Variants in URM1 observed in about 807,000 individuals in gnomAD.
URM1 encodes ubiquitin related modifier 1.
In URM1, 11 loss-of-function variants were observed where a neutral mutation model predicts 17.7. The observed-to-expected ratio is 0.62, with a 90% CI of 0.39 to 1.03. The LOEUF (loss-of-function observed/expected upper bound fraction) is 1.03, where lower values mean the gene tolerates loss of function less well. Ranked by LOEUF, URM1 falls within the 50% of genes least tolerant of loss-of-function variation. URM1 has a pLI of 0.00. For synonymous variants in URM1, 48 were observed against 50.6 expected (o/e 0.95, Z 0.22); for missense variants, 128 against 129.2 (o/e 0.99, Z 0.04).
intron 2 of URM1, among the ~76,000 whole-genome samples, chr9:128,381,907 G>A (rs1276907119): frequency 1.3e-5 from 2 of 152,130 alleles, no homozygotes; most frequent in Non-Finnish European, 1.5e-5. Flanking sequence ...CAGTTTTTAC[G>A]CTTTCCTTCA....
chr9:128,373,720 C>T (rs1266609341), intron 1 of URM1, among the ~76,000 whole-genome samples: 1 of 152,134 alleles, frequency 6.6e-6, no homozygotes, highest in Non-Finnish European at 1.5e-5. Context: ...ACCCCTCTTC[C>T]TCCTTCCCAA....
chr9:128,377,326 A>G (rs1371650747), intron 1 of URM1, among the ~76,000 whole-genome samples: 1 of 152,164 alleles, frequency 6.6e-6, no homozygotes, highest in African/African-American at 2.4e-5. Flanking sequence ...CAGGAGTTTG[A>G]GATCAGCCTG....
chr9:128,380,451 CTG>C (rs943402726), intron 2 of URM1, among the ~76,000 whole-genome samples: 1 of 152,028 alleles, frequency 6.6e-6, no homozygotes, highest in Non-Finnish European at 1.5e-5. Context: ...CTAAAGGTGA[CTG>C]TTTCTTAGTT....
In URM1 at chr9:128,390,496, GCGTGTGCCT is replaced by G. The variant is rs1168205649; in HGVS notation, c.*764_*772del. On this transcript the variant is annotated 3_prime_UTR_variant, in exon 5 of 5. Transcript: ENST00000372853. ...CTAGCAAGTAGAAGCCTGGGGGGAT[GCGTGTGCCT>G]CAGTTTCCTCCTCCACAACTGAATA... 1 of 150,628 alleles carries G rather than the reference GCGTGTGCCT, an allele frequency of 6.6e-6. No homozygotes were observed. Among genetic ancestry groups the G allele is most frequent in the Non-Finnish European group, 1.5e-5 (1 of 68,058 alleles). 9.3% of individuals were successfully genotyped at this position (150,628 alleles called of 1,614,324 possible).
chr9:128,374,060 T>G (rs886547169), intron 1 of URM1, among the ~76,000 whole-genome samples: 2 of 152,062 alleles, frequency 1.3e-5, no homozygotes, highest in Non-Finnish European at 2.9e-5. Context: ...GATGGAGATA[T>G]GTCAGTTGAG....
Position 128,390,140 on chromosome 9 carries a change from A to G in URM1, c.*406A>G. 2 of 219,994 alleles carry G rather than the reference A, an allele frequency of 9.1e-6. No homozygotes were observed. Among genetic ancestry groups the G allele is most frequent in the Non-Finnish European group, 9.0e-6 (1 of 111,176 alleles). 13.6% of individuals were successfully genotyped at this position (219,994 alleles called of 1,614,324 possible). A position where few individuals can be genotyped will look rare whatever the true frequency, so the allele number is the denominator to read the frequency against. On this transcript the variant is annotated 3_prime_UTR_variant, in exon 5 of 5. Coordinates refer to ENST00000372853, the MANE Select transcript of URM1 (RefSeq NM_030914.4). ...TTCATGGGGAAGATGAATGGACCTG[A>G]GTAGCTGAAGGAAGGCCCCTCCCTA...
chr9:128,391,207 G>A lies in URM1; in HGVS notation c.*1473G>A, dbSNP rs1470660589. On this transcript the variant is annotated 3_prime_UTR_variant, in exon 5 of 5. Transcript: ENST00000372853. ...TCATTCTATGTCAATAATTTAAGGT[G>A]GAATTTCTCTCACCCTGTGGAGATG... 6.6e-6 allele frequency: 1 copy of A among 152,214 alleles called. No individual in the cohort carries two copies. Among genetic ancestry groups the A allele is most frequent in the Non-Finnish European group, 1.5e-5 (1 of 68,046 alleles). 9.4% of individuals were successfully genotyped at this position (152,214 alleles called of 1,614,324 possible).
chr9:128,383,532 AG>A (rs1341359697), intron 2 of URM1, among the ~76,000 whole-genome samples: 1 of 152,124 alleles, frequency 6.6e-6, no homozygotes, highest in Non-Finnish European at 1.5e-5. Flanking sequence ...CCAAATCTGA[AG>A]GGCCATCCTG....
chr9:128,387,873 AGTT>A lies in URM1; in HGVS notation c.168_170del (p.Leu56del). 1 of 1,614,084 alleles carries A rather than the reference AGTT, an allele frequency of 6.2e-7. No individual in the cohort carries two copies. Among genetic ancestry groups the A allele is most frequent in the Non-Finnish European group, 8.5e-7 (1 of 1,180,016 alleles). ...AAGAATTTGCTAAAAGAGCGGCCAGAGTTGTTCATCCAGGGAGACAGCGTGTGA... is the reference window on the plus strand; with the variant it reads ...AAGAATTTGCTAAAAGAGCGGCCAGAGTTCATCCAGGGAGACAGCGTGTGA... On this transcript the variant is annotated inframe_deletion, in exon 3 of 5. Transcript: ENST00000372853. The surrounding 1 kb of genome is among the most constrained non-coding windows in gnomAD (Gnocchi z 4.3).
At position 128,382,958 on chromosome 9, in the gene URM1, G is replaced by T. The variant is rs1303266047; in HGVS notation, c.106+4852G>T. Among the ~76,000 whole-genome samples the T allele has an allele frequency of 2.6e-5, 4 of 152,146 alleles. No homozygotes were observed. In the South Asian group the frequency reaches 8.3e-4, roughly 32 times the overall value. ...TGCCCAGGCCCCAAGTGTAGACATG[G>T]CCGCCTCACCTTTCCCTGCCTGTCT... On this transcript the variant is annotated intron_variant, in intron 2 of 4. Coordinates refer to ENST00000372853, the MANE Select transcript of URM1 (RefSeq NM_030914.4).
chr9:128,390,079 C>A lies in URM1; in HGVS notation c.*345C>A. 3.2e-6 allele frequency: 1 copy of A among 311,370 alleles called. No homozygotes were observed. Among genetic ancestry groups the A allele is most frequent in the Non-Finnish European group, 5.9e-6 (1 of 168,438 alleles). The allele number at this position is 311,370 out of a possible 1,614,324, so 19.3% of individuals were successfully genotyped here. ...GTACCTCAGTCTAAACATGGAGTGG[C>A]CGCTGACAAGGCGCTCCAGCCCCAG... On this transcript the variant is annotated 3_prime_UTR_variant, in exon 5 of 5. Coordinates refer to ENST00000372853, the MANE Select transcript of URM1 (RefSeq NM_030914.4).
Position 128,391,231 on chromosome 9 carries a change from T to G in URM1, c.*1497T>G, listed in dbSNP as rs1264312195. On this transcript the variant is annotated 3_prime_UTR_variant, in exon 5 of 5. Transcript: ENST00000372853. ...TGGAATTTCTCTCACCCTGTGGAGA[T>G]GAAAGTGGCAAAAGGTTGTCCCAGC... 6.6e-6 allele frequency: 1 copy of G among 152,216 alleles called. No individual in the cohort carries two copies. Among genetic ancestry groups the G allele is most frequent in the African/African-American group, 2.4e-5 (1 of 41,448 alleles). 9.4% of individuals were successfully genotyped at this position (152,216 alleles called of 1,614,324 possible). A position where few individuals can be genotyped will look rare whatever the true frequency, so the allele number is the denominator to read the frequency against.
chr9:128,372,794 C>G (rs1833029653), intron 1 of URM1, among the ~76,000 whole-genome samples: 1 of 152,040 alleles, frequency 6.6e-6, no homozygotes, highest in Non-Finnish European at 1.5e-5. Context: ...TTTATCTGGG[C>G]CAGGCATGGA....
intron 2 of URM1, among the ~76,000 whole-genome samples, chr9:128,384,140 T>TC (rs1833196872): frequency 6.6e-6 from 1 of 152,182 alleles, no homozygotes; most frequent in African/African-American, 2.4e-5. Flanking sequence ...TGAAGTGACT[T>TC]CCTAGCTAAG....
chr9:128,388,707 A>G, intron 3 of URM1: 3 of 986,582 alleles, frequency 3.0e-6, no homozygotes, highest in South Asian at 4.7e-5. Context: ...ACCCTGCCTT[A>G]TGCCAGGCAG....
At chr9:128,381,642 G>A (rs796567930) in intron 2 of URM1, among the ~76,000 whole-genome samples, 16 of 152,342 alleles carry the variant, frequency 1.1e-4, no homozygotes, top group African/African-American at 3.8e-4. Flanking sequence ...AGCCGAGATC[G>A]TGCCACTGCA....
At position 128,371,550 on chromosome 9, in the gene URM1, C is replaced by T. The variant is rs905977320; in HGVS notation, c.35+135C>T. 3.7e-5 allele frequency: 32 copies of T among 858,694 alleles called. 1 individual carries two copies. The highest frequency in any genetic ancestry group is 5.4e-6 in the Non-Finnish European group (3 of 554,052). 53.2% of individuals were successfully genotyped at this position (858,694 alleles called of 1,614,324 possible). A position where few individuals can be genotyped will look rare whatever the true frequency, so the allele number is the denominator to read the frequency against. On this transcript the variant is annotated intron_variant, in intron 1 of 4. Transcript: ENST00000372853. ...GCCCGCTGTGAGCTACGCTACCCGC[C>T]TAGGAGAGTCTGAGAGGCCAGTCTC...
chr9:128,381,680 C>T (rs544553856), intron 2 of URM1, among the ~76,000 whole-genome samples: 15 of 152,272 alleles, frequency 9.9e-5, no homozygotes, highest in African/African-American at 2.6e-4. Flanking sequence ...AGCAAGACTC[C>T]GTCTCAAAAA....
chr9:128,374,567 CCT>C (rs1231598456), intron 1 of URM1, among the ~76,000 whole-genome samples: 1 of 152,182 alleles, frequency 6.6e-6, no homozygotes, highest in African/African-American at 2.4e-5. Context: ...AGATGGGCCT[CCT>C]CTCCCCCTCC....
Sources: allele counts gnomAD v4.1 joint callset (sites outside exome capture counted in the v4.1 genomes callset), GRCh38; gene constraint gnomAD v4.1.1; non-coding constraint Gnocchi (gnomAD v3.1); transcripts MANE v1.5; gene names NCBI Gene and HGNC (gene_info 2026-07-23, HGNC 2026-07-21).